PSD3: variants seen among roughly 807,000 people sequenced by gnomAD.
PSD3 encodes the protein pleckstrin and Sec7 domain containing 3, also known as PH and SEC7 domain-containing protein 3.
In PSD3, 49 loss-of-function variants were observed where a neutral mutation model predicts 105.5. The observed-to-expected ratio is 0.46, with a 90% CI of 0.37 to 0.59. The LOEUF is 0.59. PSD3 is among the 20% of genes least tolerant of loss of function. The pLI is 0.00. For missense variants in PSD3, 1,561 were observed against 1,263.8 expected, an observed-to-expected ratio of 1.24 and a Z score of -3.57; for synonymous variants, 557 against 457.8, an observed-to-expected ratio of 1.22 and a Z score of -2.77.
At chr8:18,782,964 A>G (rs1315419237) in intron 8 of PSD3, among the ~76,000 whole-genome samples, 5 of 152,208 alleles carry the variant, frequency 3.3e-5, no homozygotes, top group African/African-American at 4.8e-5. Context: ...TTCATAAGGG[A>G]TATCTTTATC....
chr8:18,861,601 ACCCAT>A (rs1465772126), intron 4 of PSD3, among the ~76,000 whole-genome samples: 5 of 152,084 alleles, frequency 3.3e-5, no homozygotes, highest in African/African-American at 1.2e-4. Flanking sequence ...CCAGCCAGTC[ACCCAT>A]GCTTGAACTC....
At chr8:18,702,360 A>G (rs1801633091) in intron 9 of PSD3, among the ~76,000 whole-genome samples, 1 of 152,160 alleles carries the variant, frequency 6.6e-6, no homozygotes, top group Admixed American at 6.5e-5. Context: ...GAGTTATGAG[A>G]TGGAAATCAT....
intron 12 of PSD3, among the ~76,000 whole-genome samples, chr8:18,595,364 T>C (rs1467479918): frequency 6.6e-6 from 1 of 151,456 alleles, no homozygotes; most frequent in African/African-American, 2.4e-5. Context: ...AGCAAGAGTG[T>C]TTCTCTATCG....
At chr8:18,581,100 C>G (rs1802784664) in intron 12 of PSD3, among the ~76,000 whole-genome samples, 1 of 152,162 alleles carries the variant, frequency 6.6e-6, no homozygotes, top group African/African-American at 2.4e-5. Flanking sequence ...CTTGTCAAAG[C>G]ACTTGGCTAG....
At chr8:18,564,791 T>A (rs1229626353) in intron 14 of PSD3, among the ~76,000 whole-genome samples, 2 of 152,098 alleles carry the variant, frequency 1.3e-5, no homozygotes, top group East Asian at 3.9e-4. Context: ...CACCTGGCTC[T>A]GAGCACCACT....
intron 1 of PSD3, among the ~76,000 whole-genome samples, chr8:19,046,060 A>G (rs1828306261): frequency 1.3e-5 from 2 of 152,190 alleles, no homozygotes; most frequent in African/African-American, 4.8e-5. Flanking sequence ...GGATTACACA[A>G]TAAGAAACAA....
chr8:18,745,677 T>C (rs1676725579), intron 9 of PSD3, among the ~76,000 whole-genome samples: 2 of 152,226 alleles, frequency 1.3e-5, no homozygotes, highest in South Asian at 2.1e-4. Context: ...GATATTGAGA[T>C]ATCAGTGCTT....
intron 1 of PSD3, among the ~76,000 whole-genome samples, chr8:19,079,343 T>C (rs1179696445): frequency 6.6e-6 from 1 of 152,212 alleles, no homozygotes; most frequent in Non-Finnish European, 1.5e-5. Flanking sequence ...CACATTCTTT[T>C]AAAATGGATG....
intron 9 of PSD3, among the ~76,000 whole-genome samples, chr8:18,692,698 C>T (rs887332115): frequency 1.3e-5 from 2 of 152,022 alleles, no homozygotes; most frequent in East Asian, 1.9e-4. Flanking sequence ...TTTTTCTTCC[C>T]AGTAACTGAT....
intron 9 of PSD3, among the ~76,000 whole-genome samples, chr8:18,757,265 C>G (rs1281081698): frequency 6.8e-6 from 1 of 146,556 alleles, no homozygotes; most frequent in Non-Finnish European, 1.5e-5. Flanking sequence ...CCAGCCTTGC[C>G]AACATGGTAA....
At chr8:18,676,532 G>C (rs538656247) in intron 9 of PSD3, among the ~76,000 whole-genome samples, 1 of 152,140 alleles carries the variant, frequency 6.6e-6, no homozygotes, top group Non-Finnish European at 1.5e-5. Context: ...CCAGAAACTG[G>C]CCTTAGGAGA....
At chr8:18,667,873 G>A (rs1013416764) in intron 9 of PSD3, among the ~76,000 whole-genome samples, 1 of 152,226 alleles carries the variant, frequency 6.6e-6, no homozygotes, top group African/African-American at 2.4e-5. Flanking sequence ...TGTAGCGCCG[G>A]CAGGCCGGCA....
intron 9 of PSD3, among the ~76,000 whole-genome samples, chr8:18,681,446 CAAAAAAAAAA>C (rs528679351): frequency 1.6e-5 from 1 of 62,268 alleles, no homozygotes; most frequent in Non-Finnish European, 3.7e-5. Flanking sequence ...GTTTCTGTTT[CAAAAAAAAAA>C]AAAAAAAAAA....
intron 9 of PSD3, among the ~76,000 whole-genome samples, chr8:18,741,494 G>A (rs1563215081): frequency 6.6e-6 from 1 of 152,100 alleles, no homozygotes; most frequent in Non-Finnish European, 1.5e-5. Flanking sequence ...CAGTGTGCAG[G>A]AAGAAGAGTT....
intron 1 of PSD3, among the ~76,000 whole-genome samples, chr8:19,048,254 C>T (rs1447655734): frequency 1.3e-5 from 2 of 152,116 alleles, no homozygotes; most frequent in Non-Finnish European, 2.9e-5. Context: ...GGTGGCCCCA[C>T]CCTCTCCCAC....
chr8:18,699,772 T>C (rs1801466946), intron 9 of PSD3, among the ~76,000 whole-genome samples: 1 of 152,042 alleles, frequency 6.6e-6, no homozygotes, highest in Non-Finnish European at 1.5e-5. Context: ...ACTGGGAGAA[T>C]GAGCAGTTTT....
chr8:18,636,729 AC>A (rs1807280499), intron 10 of PSD3, among the ~76,000 whole-genome samples: 1 of 152,228 alleles, frequency 6.6e-6, no homozygotes, highest in Non-Finnish European at 1.5e-5. Context: ...GTTTAGATAT[AC>A]AAATACCATT....
intron 2 of PSD3, among the ~76,000 whole-genome samples, chr8:18,923,955 T>C (rs1039678268): frequency 1.8e-4 from 28 of 152,072 alleles, no homozygotes; most frequent in Non-Finnish European, 7.4e-5. Flanking sequence ...TCTAAAAAAA[T>C]AGATCTTGTA....
chr8:18,641,210 T>C (rs1349838574), intron 10 of PSD3, among the ~76,000 whole-genome samples: 1 of 152,148 alleles, frequency 6.6e-6, no homozygotes, highest in Non-Finnish European at 1.5e-5. Flanking sequence ...GTAATTTAAT[T>C]TCCTCACCTT....
Sources: gnomAD v4.1 joint callset for allele counts (sites outside exome capture counted in the v4.1 genomes callset) on GRCh38, gnomAD v4.1.1 for gene constraint, MANE v1.5 for transcripts, NCBI Gene and HGNC (gene_info 2026-07-23, HGNC 2026-07-21) for gene names.